NLGN1: variants seen among roughly 807,000 people sequenced by gnomAD.
NLGN1 encodes the protein neuroligin 1, also known as neuroligin-1.
In NLGN1, 12 loss-of-function variants were observed where a neutral mutation model predicts 65.5. The ratio of observed to expected loss-of-function variants is 0.18; its 90% CI spans 0.12 to 0.30. The LOEUF is 0.30. Ranked by LOEUF, NLGN1 falls within the 10% of genes least tolerant of loss-of-function variation. The probability of loss-of-function intolerance (pLI) is 1.00; values close to 1 mark genes in which losing one functional copy is unlikely to be tolerated. For synonymous variants in NLGN1, 350 were observed against 359.5 expected (o/e 0.97, Z 0.30); for missense variants, 750 against 1,007.1 (o/e 0.74, Z 3.46).
At chr3:173,563,605 C>T (rs752344872) in intron 2 of NLGN1, among the ~76,000 whole-genome samples, 1 of 152,180 alleles carries the variant, frequency 6.6e-6, no homozygotes, top group Non-Finnish European at 1.5e-5. Flanking sequence ...TGCAGACTTA[C>T]ATTTTACTGA....
intron 4 of NLGN1, among the ~76,000 whole-genome samples, chr3:174,226,081 C>G (rs986496447): frequency 6.6e-6 from 1 of 151,988 alleles, no homozygotes; most frequent in East Asian, 1.9e-4. Context: ...TAATGGCCAC[C>G]AAGACCAGTT....
intron 2 of NLGN1, among the ~76,000 whole-genome samples, chr3:173,576,587 T>G (rs1011179853): frequency 6.6e-6 from 1 of 152,210 alleles, no homozygotes; most frequent in African/African-American, 2.4e-5. Flanking sequence ...CATCTCTGTT[T>G]CTGTTATCAC....
intron 3 of NLGN1, among the ~76,000 whole-genome samples, chr3:173,720,054 C>T (rs1021455792): frequency 2.6e-5 from 4 of 152,012 alleles, no homozygotes; most frequent in Non-Finnish European, 4.4e-5. Flanking sequence ...TTTAAGGCTG[C>T]AGTGAGCTAT....
At chr3:174,138,889 G>T (rs1721755142) in intron 4 of NLGN1, among the ~76,000 whole-genome samples, 1 of 152,078 alleles carries the variant, frequency 6.6e-6, no homozygotes, top group Admixed American at 6.6e-5. Context: ...GGTGCTGAAG[G>T]TAAAAAAATT....
chr3:174,269,287 T>G (rs2152874586), intron 4 of NLGN1, among the ~76,000 whole-genome samples: 1 of 152,162 alleles, frequency 6.6e-6, no homozygotes, highest in South Asian at 2.1e-4. Context: ...TCTCTAGAAC[T>G]TTTTCATACA....
At chr3:173,450,238 G>A (rs945072691) in intron 2 of NLGN1, among the ~76,000 whole-genome samples, 2 of 152,090 alleles carry the variant, frequency 1.3e-5, no homozygotes, top group Non-Finnish European at 2.9e-5. Flanking sequence ...TCCTTCAGGA[G>A]CTCTTTTAGG....
At position 174,205,094 on chromosome 3, in the gene NLGN1, A is replaced by G. The variant is rs146302558; in HGVS notation, c.647-70221A>G. 2.3e-4 allele frequency among the ~76,000 whole-genome samples: 35 copies of G among 152,300 alleles called. No individual in the cohort carries two copies. In the East Asian group the frequency reaches 6.2e-3, roughly 27 times the overall value. ...TATTGTGGCATTTTTATTAATTTGA[A>G]TATGATTCAAAATTTTAAAAAAAAT... On this transcript the variant is annotated intron_variant, in intron 4 of 6. Coordinates refer to ENST00000457714, the Ensembl canonical transcript of NLGN1.
intron 4 of NLGN1, among the ~76,000 whole-genome samples, chr3:174,173,125 G>T (rs892347320): frequency 1.4e-4 from 21 of 151,876 alleles, no homozygotes; most frequent in African/African-American, 4.8e-4. Context: ...TTGGCTGTTG[G>T]CATATAGAAA....
chr3:173,698,826 T>C (rs1766644341), intron 3 of NLGN1, among the ~76,000 whole-genome samples: 1 of 145,536 alleles, frequency 6.9e-6, no homozygotes, highest in African/African-American at 2.5e-5. Context: ...TGTTGTGTAT[T>C]GTGCAATTAG....
chr3:174,181,011 C>T (rs1730310733), intron 4 of NLGN1, among the ~76,000 whole-genome samples: 1 of 152,096 alleles, frequency 6.6e-6, no homozygotes, highest in African/African-American at 2.4e-5. Flanking sequence ...TACATCACTG[C>T]AGGCAAAGAG....
chr3:173,780,871 GT>G lies in NLGN1; in HGVS notation c.494-26808del, dbSNP rs577328138. Among the ~76,000 whole-genome samples, 67 of 152,240 alleles carry G rather than the reference GT, an allele frequency of 4.4e-4. No individual in the cohort carries two copies. In the South Asian group the frequency reaches 0.013, roughly 31 times the overall value. ...AAAACGTAAATATTGGCCGGGCACA[GT>G]GGTTCATGCCTGTAATCCCAGCACT... On this transcript the variant is annotated intron_variant, in intron 3 of 6. Coordinates refer to ENST00000457714, the Ensembl canonical transcript of NLGN1.
intron 3 of NLGN1, among the ~76,000 whole-genome samples, chr3:173,763,072 C>T (rs74962273): frequency 0.018 from 2,676 of 151,670 alleles, 86 homozygotes; most frequent in African/African-American, 0.062. Context: ...GTTACAACTA[C>T]TGATAATTAA....
intron 4 of NLGN1, among the ~76,000 whole-genome samples, chr3:174,017,121 G>T: frequency 6.6e-6 from 1 of 152,094 alleles, no homozygotes; most frequent in East Asian, 1.9e-4. Context: ...ATTGCTAGAG[G>T]CCTTGCAAAC....
intron 2 of NLGN1, among the ~76,000 whole-genome samples, chr3:173,467,206 TTAAA>T (rs1210481194): frequency 1.3e-5 from 2 of 152,116 alleles, no homozygotes; most frequent in Non-Finnish European, 2.9e-5. Flanking sequence ...TCTCACATCA[TTAAA>T]TATTCTGTAA....
At chr3:173,726,548 T>G (rs1771812209) in intron 3 of NLGN1, among the ~76,000 whole-genome samples, 1 of 152,102 alleles carries the variant, frequency 6.6e-6, no homozygotes, top group African/African-American at 2.4e-5. Flanking sequence ...GCTCTGGTTC[T>G]CCAACTTTTC....
intron 2 of NLGN1, among the ~76,000 whole-genome samples, chr3:173,545,363 C>G (rs904753308): frequency 3.3e-5 from 5 of 152,054 alleles, no homozygotes; most frequent in African/African-American, 1.2e-4. Context: ...CATGAACCAC[C>G]ATGCCTGGCC....
chr3:173,755,012 T>C (rs187373915), intron 3 of NLGN1, among the ~76,000 whole-genome samples: 1 of 152,222 alleles, frequency 6.6e-6, no homozygotes, highest in East Asian at 1.9e-4. Context: ...AACTATCAGA[T>C]CAAGGTAGTG....
At chr3:173,540,807 A>T (rs934426339) in intron 2 of NLGN1, among the ~76,000 whole-genome samples, 5 of 152,214 alleles carry the variant, frequency 3.3e-5, no homozygotes, top group African/African-American at 9.6e-5. Flanking sequence ...CCTTTGGTGC[A>T]TATTTTAATA....
chr3:173,962,779 C>A (rs1181199094), intron 4 of NLGN1, among the ~76,000 whole-genome samples: 1 of 152,068 alleles, frequency 6.6e-6, no homozygotes, highest in African/African-American at 2.4e-5. Context: ...ACAGAATAGC[C>A]TAAGGGTGCT....
Sources: allele counts gnomAD v4.1 joint callset (sites outside exome capture counted in the v4.1 genomes callset), GRCh38; gene constraint gnomAD v4.1.1; transcripts MANE v1.5; gene names NCBI Gene and HGNC (gene_info 2026-07-23, HGNC 2026-07-21).